FAM117B: variants seen among roughly 807,000 people sequenced by gnomAD.
FAM117B encodes the protein family with sequence similarity 117 member B, also known as protein FAM117B.
In FAM117B, 22 loss-of-function variants were observed where a neutral mutation model predicts 52.8. The ratio of observed to expected loss-of-function variants is 0.42; its 90% CI spans 0.30 to 0.59. The LOEUF is 0.59. Among genes scored for constraint, FAM117B ranks in the 20% least tolerant of loss-of-function variants. The pLI is 0.22. For missense variants in FAM117B, 678 were observed against 802.6 expected, an observed-to-expected ratio of 0.84 and a Z score of 1.88; for synonymous variants, 309 against 324.1, an observed-to-expected ratio of 0.95 and a Z score of 0.50.
chr2:202,745,128 A>C (rs1691611132), intron 4 of FAM117B, among the ~76,000 whole-genome samples: 1 of 151,660 alleles, frequency 6.6e-6, no homozygotes, highest in Admixed American at 6.6e-5. Flanking sequence ...AAAAATACAA[A>C]AATTAACTGG....
intron 1 of FAM117B, among the ~76,000 whole-genome samples, chr2:202,694,282 T>C (rs35126800): frequency 0.84 from 124,832 of 149,128 alleles, 52,327 homozygotes; most frequent in African/African-American, 0.89. Flanking sequence ...CCTCCAACTC[T>C]AGGATTCAAG....
intron 1 of FAM117B, among the ~76,000 whole-genome samples, chr2:202,645,206 G>A (rs1398251189): frequency 6.6e-6 from 1 of 151,496 alleles, no homozygotes; most frequent in African/African-American, 2.4e-5. Context: ...GGAACTCCTG[G>A]CCTTAAGTGA....
intron 4 of FAM117B, among the ~76,000 whole-genome samples, chr2:202,751,309 A>G (rs1370405999): frequency 1.3e-5 from 2 of 152,194 alleles, no homozygotes; most frequent in African/African-American, 4.8e-5. Flanking sequence ...TTGTCTGACC[A>G]GTACTTGATT....
chr2:202,644,053 G>GTTTTTTTTTTTTTTTTTTTTTT lies in FAM117B; in HGVS notation c.601+8275_601+8276insTTTTTTTTTTTTTTTTTTTTTT, dbSNP rs1219743876. Among the ~76,000 whole-genome samples, 16 of 60,160 alleles carry GTTTTTTTTTTTTTTTTTTTTTT rather than the reference G, an allele frequency of 2.7e-4. 2 individuals carry two copies. The highest frequency in any genetic ancestry group is 3.7e-4 in the Admixed American group (2 of 5,412). The allele number at this position is 60,160 out of a possible 152,430, so 39.5% of individuals were successfully genotyped here. On this transcript the variant is annotated intron_variant, in intron 1 of 7. Coordinates refer to ENST00000392238, the MANE Select transcript of FAM117B (RefSeq NM_173511.4). ...ATGCTATACTACTGCTTTAGGAGCT[G>GTTTTTTTTTTTTTTTTTTTTTT]TTTTTTTTTTGTTTTTTTTTTTTTT...
At chr2:202,757,524 C>T (rs960389115) in intron 6 of FAM117B, 86 bp downstream of exon 6, 2 of 1,349,226 alleles carry the variant, frequency 1.5e-6, no homozygotes, top group African/African-American at 1.4e-5. Flanking sequence ...TAGCAGAACA[C>T]ACACACTCGA....
At chr2:202,760,201 C>A (rs1691864557) in intron 7 of FAM117B, among the ~76,000 whole-genome samples, 1 of 152,166 alleles carries the variant, frequency 6.6e-6, no homozygotes, top group Non-Finnish European at 1.5e-5. Context: ...ACTCAAATTT[C>A]TTTAGTTGTT....
intron 1 of FAM117B, among the ~76,000 whole-genome samples, chr2:202,682,469 G>A (rs916386780): frequency 5.3e-5 from 8 of 152,184 alleles, no homozygotes; most frequent in African/African-American, 1.9e-4. Flanking sequence ...CCCCTCCTGC[G>A]AGGGGTGGAG....
intron 1 of FAM117B, among the ~76,000 whole-genome samples, chr2:202,654,929 G>A (rs971958225): frequency 1.3e-5 from 2 of 151,302 alleles, no homozygotes; most frequent in African/African-American, 2.4e-5. Flanking sequence ...ATGAGTATAC[G>A]TTTATATATA....
At chr2:202,673,191 T>C (rs1057455452) in intron 1 of FAM117B, among the ~76,000 whole-genome samples, 2 of 152,190 alleles carry the variant, frequency 1.3e-5, no homozygotes, top group Non-Finnish European at 2.9e-5. Context: ...TGTTGCAGTT[T>C]TGTTTTTTAA....
At chr2:202,679,382 A>G (rs891722865) in intron 1 of FAM117B, among the ~76,000 whole-genome samples, 11 of 152,226 alleles carry the variant, frequency 7.2e-5, no homozygotes, top group South Asian at 2.1e-4. Context: ...GAGCTGGACA[A>G]AGTTTCAGAG....
At chr2:202,699,712 A>T (rs555385485) in intron 2 of FAM117B, among the ~76,000 whole-genome samples, 1 of 152,338 alleles carries the variant, frequency 6.6e-6, no homozygotes, top group Non-Finnish European at 1.5e-5. Context: ...ATATATAACA[A>T]GGTTTGCTGG....
At chr2:202,756,664 A>G (rs958232726) in intron 5 of FAM117B, among the ~76,000 whole-genome samples, 2 of 152,084 alleles carry the variant, frequency 1.3e-5, no homozygotes, top group Non-Finnish European at 2.9e-5. Context: ...ATAAAGGTAA[A>G]TGAATCAAAG....
chr2:202,748,043 A>G (rs1469449850), intron 4 of FAM117B, among the ~76,000 whole-genome samples: 2 of 152,208 alleles, frequency 1.3e-5, no homozygotes, highest in African/African-American at 4.8e-5. Context: ...GAGGCATCAT[A>G]CTACCTGACT....
chr2:202,730,940 T>A (rs1238644201), intron 4 of FAM117B, among the ~76,000 whole-genome samples: 1 of 152,146 alleles, frequency 6.6e-6, no homozygotes, highest in East Asian at 1.9e-4. Flanking sequence ...AAGGGCATCA[T>A]CAAGAATGTG....
Position 202,695,881 on chromosome 2 carries a change from G to T in FAM117B, c.602G>T (p.Gly201Val). The stretch of plus-strand genomic sequence containing the variant: ...ACAAGCATTTTTGTCTTAAATCTAG[G>T]TGACAAAACACGACAGCCTTCTTCA... The part of the protein sequence containing the change: ...RSPSAPVCKA[G>V]DKTRQPSSSP... Residue 201 changes from glycine to valine, a missense_variant and splice_region_variant, in exon 2 of 8, where the codon GGT becomes GTT. By Grantham distance (109) the Gly-to-Val change is moderately radical. Transcript: ENST00000392238. 6.3e-7 allele frequency: 1 copy of T among 1,581,612 alleles called. No individual in the cohort carries two copies. Among genetic ancestry groups the T allele is most frequent in the Non-Finnish European group, 8.6e-7 (1 of 1,163,860 alleles).
chr2:202,728,064 C>T lies in FAM117B; in HGVS notation c.960+1701C>T, dbSNP rs146148662. On this transcript the variant is annotated intron_variant, in intron 4 of 7. Transcript: ENST00000392238. ...GGTGATCACAGATTCACTATAGCCT[C>T]GACTTCCTGGGTTTATGTGATCCTC... Among the ~76,000 whole-genome samples, 283 of 152,264 alleles carry T rather than the reference C, an allele frequency of 1.9e-3. 1 individual carries two copies. The highest frequency in any genetic ancestry group is 4.4e-3 in the South Asian group (21 of 4,824).
chr2:202,667,201 A>G (rs1439365317), intron 1 of FAM117B, among the ~76,000 whole-genome samples: 2 of 151,962 alleles, frequency 1.3e-5, no homozygotes, highest in Admixed American at 6.6e-5. Flanking sequence ...CCTGGGTTCA[A>G]GCAGTTCTCC....
chr2:202,701,520 A>G (rs1478426583), intron 2 of FAM117B, among the ~76,000 whole-genome samples: 3 of 152,260 alleles, frequency 2.0e-5, no homozygotes, highest in Admixed American at 1.3e-4. Context: ...TGCCATAGAT[A>G]GTGATTCCTC....
chr2:202,754,804 C>T (rs562316531), intron 4 of FAM117B, among the ~76,000 whole-genome samples: 2 of 137,312 alleles, frequency 1.5e-5, no homozygotes, highest in Non-Finnish European at 3.1e-5. Context: ...GCAGAAGAGT[C>T]GCTTGAACAT....
Sources: gnomAD v4.1 joint callset for allele counts (sites outside exome capture counted in the v4.1 genomes callset) on GRCh38, gnomAD v4.1.1 for gene constraint, MANE v1.5 for transcripts, NCBI Gene and HGNC (gene_info 2026-07-23, HGNC 2026-07-21) for gene names.